COL5A3: variants seen among roughly 807,000 people sequenced by gnomAD.
COL5A3 encodes the protein collagen type V alpha 3 chain.
A neutral mutation model predicts 250.0 loss-of-function variants in COL5A3; 172 were observed. That is an observed-to-expected ratio of 0.69 (90% CI 0.61 to 0.78). COL5A3 has a LOEUF of 0.78. COL5A3 is among the 30% of genes least tolerant of loss of function. The pLI is 0.00. For missense variants in COL5A3, 2,340 were observed against 2,334.4 expected (o/e 1.00, Z -0.05); for synonymous variants, 937 against 900.4 (o/e 1.04, Z -0.73).
At chr19:9,982,152 G>T (rs745988409) in intron 31 of COL5A3, 34 bp from the exon 32 acceptor site, 13 of 1,482,150 alleles carry the variant, frequency 8.8e-6, no homozygotes, top group Non-Finnish European at 1.2e-5. Context: ...AGACATGAGG[G>T]TGAGGAGTGA....
At chr19:9,999,537 G>C (rs1012937747) in intron 8 of COL5A3, among the ~76,000 whole-genome samples, 2 of 141,920 alleles carry the variant, frequency 1.4e-5, no homozygotes, top group Non-Finnish European at 3.0e-5. Flanking sequence ...GCGTGGTCTC[G>C]GCTTGCTGCA....
intron 1 of COL5A3, among the ~76,000 whole-genome samples, chr19:10,007,013 A>G (rs1185289006): frequency 1.5e-5 from 2 of 137,824 alleles, no homozygotes; most frequent in Admixed American, 1.4e-4. Context: ...GTCTCCTCTG[A>G]TCTCCTCTCC....
At chr19:9,965,150 CT>C (rs931756823) in intron 64 of COL5A3, among the ~76,000 whole-genome samples, 3,559 of 137,628 alleles carry the variant, frequency 0.026, 93 homozygotes, top group East Asian at 0.13. Flanking sequence ...TTTTTCTTTT[CT>C]TTTTCTTTTT....
intron 8 of COL5A3, 94 bp from the exon 9 acceptor site, chr19:9,998,243 CA>C: frequency 8.5e-7 from 1 of 1,180,496 alleles, no homozygotes; most frequent in Non-Finnish European, 1.2e-6. Flanking sequence ...CACACACACA[CA>C]CACACACACA....
In COL5A3 at chr19:9,998,095, C is replaced by A. The variant is rs1204255315; in HGVS notation, c.1158+7G>T. 3 of 1,613,912 alleles carry A rather than the reference C, an allele frequency of 1.9e-6. No homozygotes were observed. The highest frequency in any genetic ancestry group is 2.5e-6 in the Non-Finnish European group (3 of 1,179,976). ...CTCTCAACCCCCTCACAATCCAGACCCCTCACCTTTTCAATCACTGCGGGC... is the reference window on the plus strand; with the variant it reads ...CTCTCAACCCCCTCACAATCCAGACACCTCACCTTTTCAATCACTGCGGGC... On this transcript the variant is annotated splice_region_variant and intron_variant, in intron 9 of 66. Transcript: ENST00000264828.
At chr19:9,989,209 G>A in intron 26 of COL5A3, 32 bp from the exon 27 acceptor site, 1 of 1,613,648 alleles carries the variant, frequency 6.2e-7, no homozygotes, top group Non-Finnish European at 8.5e-7. Context: ...TGCCATTCTA[G>A]ACAGTCCCTT....
rs2087393409 is a variant in COL5A3, at chr19:10,003,555, G to A, written c.849+10C>T. ...TCAAAACCGGAAGTGAGAGGTCTCA[G>A]GGCCCTTACCTGGTTCTCTGCGGAG... On this transcript the variant is annotated intron_variant, in intron 6 of 66. Coordinates refer to ENST00000264828, the MANE Select transcript of COL5A3 (RefSeq NM_015719.4). 6.2e-7 allele frequency: 1 copy of A among 1,613,888 alleles called. No individual in the cohort carries two copies. The highest frequency in any genetic ancestry group is 8.5e-7 in the Non-Finnish European group (1 of 1,179,850).
chr19:9,967,334 C>A lies in COL5A3; in HGVS notation c.4458+13G>T. ...GTTTTGGTGTCCATTCCCCCGCCCCCCGGGGAACTCACCGGGGGGCCTGGT... is the reference window on the plus strand; with the variant it reads ...GTTTTGGTGTCCATTCCCCCGCCCCACGGGGAACTCACCGGGGGGCCTGGT... On this transcript the variant is annotated intron_variant, in intron 62 of 66. Transcript: ENST00000264828. 1 of 1,426,568 alleles carries A rather than the reference C, an allele frequency of 7.0e-7. No individual in the cohort carries two copies. The highest frequency in any genetic ancestry group is 1.6e-5 in the South Asian group (1 of 60,750). The allele number at this position is 1,426,568 out of a possible 1,614,324, so 88.4% of individuals were successfully genotyped here.
chr19:9,992,408 T>A (rs975395588), intron 21 of COL5A3, among the ~76,000 whole-genome samples: 6 of 135,868 alleles, frequency 4.4e-5, no homozygotes, highest in African/African-American at 1.6e-4. Flanking sequence ...AAACTCTGTC[T>A]AAAAAAAAAA....
intron 31 of COL5A3, among the ~76,000 whole-genome samples, chr19:9,983,221 G>A (rs2087034029): frequency 6.6e-6 from 1 of 151,946 alleles, no homozygotes; most frequent in South Asian, 2.1e-4. Flanking sequence ...CTTAGTCTAT[G>A]TCAGGTACAG....
chr19:9,988,855 A>AG (rs1555738984), intron 27 of COL5A3, among the ~76,000 whole-genome samples: 47 of 104,732 alleles, frequency 4.5e-4, no homozygotes, highest in East Asian at 1.5e-3. Context: ...AAAAAAAAAA[A>AG]AAAGAAAGTA....
At chr19:9,993,712 GAC>G (rs2087230007) in intron 17 of COL5A3, 39 bp downstream of exon 17, 2 of 1,613,920 alleles carry the variant, frequency 1.2e-6, no homozygotes, top group Non-Finnish European at 1.7e-6. Flanking sequence ...CCATAAGCCT[GAC>G]AGCTCCCACC....
chr19:10,005,453 A>C, intron 4 of COL5A3, 105 bp downstream of exon 4: 1 of 1,175,288 alleles, frequency 8.5e-7, no homozygotes, highest in Non-Finnish European at 1.2e-6. Context: ...TCCTGGGGAT[A>C]GATTGAAGCT....
intron 6 of COL5A3, among the ~76,000 whole-genome samples, chr19:10,002,425 C>T (rs2087377826): frequency 6.6e-6 from 1 of 151,612 alleles, no homozygotes; most frequent in African/African-American, 2.4e-5. Flanking sequence ...GTGACTCCCC[C>T]ACCAGCCAAA....
intron 6 of COL5A3, among the ~76,000 whole-genome samples, chr19:10,002,196 C>G (rs531882260): frequency 1.3e-5 from 2 of 149,260 alleles, no homozygotes; most frequent in East Asian, 4.1e-4. Context: ...CAGAGTTCAG[C>G]GGCCAGCAGG....
At position 9,982,077 on chromosome 19, in the gene COL5A3, C is replaced by G; in HGVS notation, c.2448G>C (p.Glu816Asp). ...GGTCATGACTCACCGACTTCCCTTT[C>G]TCTCCTATGGGTCCCAGGGGACCGG... ...GFPGPLGPIGEKGKSGKTGQP... is the reference protein window; with the variant it reads ...GFPGPLGPIGDKGKSGKTGQP... Residue 816 changes from glutamate (E) to aspartate (D), a missense_variant, in exon 32 of 67, where the codon GAG becomes GAC. Coordinates refer to ENST00000264828, the MANE Select transcript of COL5A3 (RefSeq NM_015719.4). The G allele has an allele frequency of 6.2e-7, 1 of 1,610,920 alleles. No homozygotes were observed. Among genetic ancestry groups the G allele is most frequent in the Non-Finnish European group, 8.5e-7 (1 of 1,178,164 alleles).
intron 1 of COL5A3, among the ~76,000 whole-genome samples, chr19:10,007,075 T>C (rs9797907): frequency 2.2e-5 from 3 of 134,284 alleles, no homozygotes; most frequent in South Asian, 2.5e-4. Flanking sequence ...GACCTCTTCC[T>C]TCTGACTTTC....
At position 10,010,319 on chromosome 19, in the gene COL5A3, G is replaced by A; in HGVS notation, c.67C>T (p.Leu23Phe). The part of the protein sequence containing the change: ...GLCLLLAALQ[L>F]LPGTQADPVD... Reference sequence around the variant, plus strand: ...TCACCGGCCTGCGTCCCCGGCAGAAGCTGCAGCGCGGCCAGGAGCAGGCAG... The same window carrying A: ...TCACCGGCCTGCGTCCCCGGCAGAAACTGCAGCGCGGCCAGGAGCAGGCAG... The change falls in exon 1 of 67, where the codon CTT (leucine) becomes TTT (phenylalanine). Residue 23 changes from leucine (L) to phenylalanine (F), a missense_variant. Physicochemically the swap from Leu to Phe is conservative, Grantham distance 22 (BLOSUM62 0). This residue lies in a region of COL5A3 where 1,152 missense variants were observed against 1,146.3 expected (regional missense o/e 1.00). Coordinates refer to ENST00000264828, the MANE Select transcript of COL5A3 (RefSeq NM_015719.4). The A allele has an allele frequency of 1.4e-6, 2 of 1,465,152 alleles. No homozygotes were observed. Among genetic ancestry groups the A allele is most frequent in the Non-Finnish European group, 1.8e-6 (2 of 1,104,760 alleles). The allele number at this position is 1,465,152 out of a possible 1,614,324, so 90.8% of individuals were successfully genotyped here.
At chr19:9,986,228 C>G (rs928551731) in intron 30 of COL5A3, 87 bp downstream of exon 30, 1 of 930,022 alleles carries the variant, frequency 1.1e-6, no homozygotes, top group Non-Finnish European at 1.6e-6. Flanking sequence ...CTCCTGAGGT[C>G]GAAGGTATAA....
Sources: allele counts gnomAD v4.1 joint callset (sites outside exome capture counted in the v4.1 genomes callset), GRCh38; gene constraint gnomAD v4.1.1; regional missense constraint gnomAD v4.1.1; transcripts MANE v1.5; gene names NCBI Gene and HGNC (gene_info 2026-07-23, HGNC 2026-07-21).